The following MAST4 variants were observed in gnomAD, a reference collection of about 807,000 sequenced individuals.
The protein encoded by MAST4 is microtubule associated serine/threonine kinase family member 4, also known as microtubule-associated serine/threonine-protein kinase 4.
A neutral mutation model predicts 162.7 loss-of-function variants in MAST4; 89 were observed. The observed-to-expected ratio is 0.55, with a 90% confidence interval of 0.46 to 0.65. The LOEUF (loss-of-function observed/expected upper bound fraction) is 0.65, where lower values mean the gene tolerates loss of function less well. MAST4 is among the 30% of genes least tolerant of loss of function. The probability of loss-of-function intolerance (pLI) is 0.00; values close to 1 mark genes in which losing one functional copy is unlikely to be tolerated. For synonymous variants in MAST4, 1,479 were observed against 1,361.1 expected (o/e 1.09, Z -1.91); for missense variants, 3,153 against 3,374.0 (o/e 0.93, Z 1.62).
At chr5:66,709,462 T>A (rs987996379) in intron 1 of MAST4, among the ~76,000 whole-genome samples, 5 of 152,146 alleles carry the variant, frequency 3.3e-5, no homozygotes, top group African/African-American at 9.7e-5. Context: ...ACTACAGGCA[T>A]GTGCCACTGT....
At chr5:67,078,933 T>TAA (rs1561622593) in intron 5 of MAST4, among the ~76,000 whole-genome samples, 1 of 97,188 alleles carries the variant, frequency 1.0e-5, no homozygotes, top group African/African-American at 4.7e-5. Flanking sequence ...TATATATATA[T>TAA]ATATATATAT....
intron 1 of MAST4, among the ~76,000 whole-genome samples, chr5:66,638,104 T>C (rs7721030): frequency 0.64 from 97,909 of 152,076 alleles, 32,346 homozygotes; most frequent in African/African-American, 0.78. Flanking sequence ...AAATTAGCTG[T>C]CTAATCACCG....
chr5:66,980,737 C>T (rs571718545), intron 4 of MAST4, among the ~76,000 whole-genome samples: 25 of 152,314 alleles, frequency 1.6e-4, no homozygotes, highest in Non-Finnish European at 2.8e-4. Flanking sequence ...ATAATGTTTA[C>T]GTAGCGTGTC....
chr5:66,969,705 C>T (rs941834663), intron 4 of MAST4, among the ~76,000 whole-genome samples: 10 of 152,166 alleles, frequency 6.6e-5, no homozygotes, highest in Admixed American at 3.3e-4. Context: ...TAGGCATTTA[C>T]CAAACACATG....
rs183084904 is a variant in MAST4 at position 67,062,312 on chromosome 5, C to T, written c.763+7820C>T. On this transcript the variant is annotated intron_variant, in intron 5 of 28. Coordinates refer to ENST00000403625, the MANE Select transcript of MAST4 (RefSeq NM_001164664.2). ...ACTCAGGAAGCTGAGGTAGGAGAAT[C>T]GCTTGAACCCAGGAGGCGGAGGCTG... is the stretch of plus-strand genomic sequence containing the variant. Among the ~76,000 whole-genome samples, 593 of 152,072 alleles carry T rather than the reference C, an allele frequency of 3.9e-3. 6 individuals are homozygous for T. The highest frequency in any genetic ancestry group is 0.013 in the African/African-American group (555 of 41,488).
chr5:67,070,736 C>T (rs1032363675), intron 5 of MAST4, among the ~76,000 whole-genome samples: 2 of 152,126 alleles, frequency 1.3e-5, no homozygotes, highest in Non-Finnish European at 2.9e-5. Context: ...AATCTTGTGT[C>T]AGTAATCAGC....
chr5:66,765,306 G>A (rs1278560833), intron 2 of MAST4, among the ~76,000 whole-genome samples: 2 of 152,116 alleles, frequency 1.3e-5, no homozygotes, highest in African/African-American at 4.8e-5. Flanking sequence ...CCAGGATACC[G>A]AAGTTCATAG....
At chr5:67,161,374 C>T (rs951818090) in intron 27 of MAST4, among the ~76,000 whole-genome samples, 1 of 152,056 alleles carries the variant, frequency 6.6e-6, no homozygotes, top group African/African-American at 2.4e-5. Context: ...TTCATATGGC[C>T]CAGCTGTGAA....
In MAST4 at chr5:67,102,734, C is replaced by T. The variant is rs377679630; in HGVS notation, c.1146+123C>T. On this transcript the variant is annotated intron_variant, in intron 9 of 28. Coordinates refer to ENST00000403625, the MANE Select transcript of MAST4 (RefSeq NM_001164664.2). ...TCTAGTAATGATTTGCATAAAACAG[C>T]TCCATAGTCTTCTTAGAAAGAGAAA... 887 of 734,782 alleles carry T rather than the reference C, an allele frequency of 1.2e-3. 16 individuals carry two copies. Among genetic ancestry groups the T allele is most frequent in the South Asian group, 9.6e-3 (584 of 60,864 alleles). The allele number at this position is 734,782 out of a possible 1,614,324, so 45.5% of individuals were successfully genotyped here.
Position 66,828,786 on chromosome 5 carries a change from A to G in MAST4, c.642+39992A>G, listed in dbSNP as rs767403455. On this transcript the variant is annotated intron_variant, in intron 3 of 28. Transcript: ENST00000403625. Reference sequence around the variant, plus strand: ...GGGCTCTGAATTAGCGTGCTGAAGTAGAGGTAGTACAGCATGGCTAGACTG... The same window carrying G: ...GGGCTCTGAATTAGCGTGCTGAAGTGGAGGTAGTACAGCATGGCTAGACTG... 9.5e-6 allele frequency: 15 copies of G among 1,585,096 alleles called. No individual in the cohort carries two copies. In the South Asian group the frequency reaches 1.3e-4, roughly 13 times the overall value.
At chr5:66,656,104 A>G (rs1746526862) in intron 1 of MAST4, among the ~76,000 whole-genome samples, 1 of 152,214 alleles carries the variant, frequency 6.6e-6, no homozygotes, top group Admixed American at 6.5e-5. Context: ...AGGATTTGAG[A>G]AAGGCAGGCT....
In MAST4 at chr5:66,802,773, C is replaced by T. The variant is rs371452496; in HGVS notation, c.642+13979C>T. Among the ~76,000 whole-genome samples the T allele has an allele frequency of 1.1e-4, 16 of 152,224 alleles. No individual in the cohort carries two copies. In the East Asian group the frequency reaches 1.3e-3, roughly 13 times the overall value. ...TCTAGGACATGCAATATACCTTTCC[C>T]AATTAAGTGGACTCATGGTCTGGCT... On this transcript the variant is annotated intron_variant, in intron 3 of 28. Transcript: ENST00000403625.
chr5:67,123,394 G>A (rs1767814542), intron 14 of MAST4, among the ~76,000 whole-genome samples: 1 of 152,216 alleles, frequency 6.6e-6, no homozygotes, highest in Admixed American at 6.5e-5. Flanking sequence ...ATCCCTGACT[G>A]GAAGTTAAAC....
chr5:66,731,516 TA>T (rs1199013752), intron 1 of MAST4, among the ~76,000 whole-genome samples: 1 of 152,190 alleles, frequency 6.6e-6, no homozygotes, highest in East Asian at 1.9e-4. Flanking sequence ...AAGAAAAAAA[TA>T]GGTGCCCATC....
At chr5:66,902,643 TA>T in intron 4 of MAST4, 1 of 459,920 alleles carries the variant, frequency 2.2e-6, no homozygotes, top group Non-Finnish European at 4.5e-6. Flanking sequence ...TATACATTTT[TA>T]AAAGGTGCAG....
chr5:66,758,265 A>C (rs1008120677), intron 1 of MAST4, among the ~76,000 whole-genome samples: 12 of 152,012 alleles, frequency 7.9e-5, no homozygotes, highest in African/African-American at 2.9e-4. Context: ...GCTTAGGGGA[A>C]TCTTTTAGCA....
At chr5:66,824,946 A>G (rs979381366) in intron 3 of MAST4, among the ~76,000 whole-genome samples, 28 of 152,178 alleles carry the variant, frequency 1.8e-4, no homozygotes, top group Admixed American at 1.7e-3. Context: ...GGGTGAGTCA[A>G]TGAGTGAGTG....
intron 4 of MAST4, among the ~76,000 whole-genome samples, chr5:66,910,381 A>G (rs769200418): frequency 5.9e-5 from 9 of 152,062 alleles, no homozygotes; most frequent in Non-Finnish European, 8.8e-5. Flanking sequence ...TCATTATCCA[A>G]TTACCCATGT....
intron 3 of MAST4, among the ~76,000 whole-genome samples, chr5:66,794,360 G>T (rs775583881): frequency 8.5e-5 from 13 of 152,214 alleles, no homozygotes; most frequent in Admixed American, 2.6e-4. Flanking sequence ...GCTAATGGTT[G>T]TAATAACCTC....
Sources: allele counts gnomAD v4.1 joint callset (sites outside exome capture counted in the v4.1 genomes callset), GRCh38; gene constraint gnomAD v4.1.1; transcripts MANE v1.5; gene names NCBI Gene and HGNC (gene_info 2026-07-23, HGNC 2026-07-21).